The following KCTD7 variants were observed in gnomAD, a reference collection of about 807,000 sequenced individuals.
The protein encoded by KCTD7 is BTB/POZ domain-containing protein KCTD7.
Under a neutral mutation model 27.0 loss-of-function variants are expected in KCTD7, and 15 were observed. That is an observed-to-expected ratio of 0.56 (90% CI 0.37 to 0.86). The LOEUF is 0.86. KCTD7 is among the 40% of genes least tolerant of loss of function. The pLI, the probability that KCTD7 is intolerant of heterozygous loss-of-function variation, is 0.00. For synonymous variants in KCTD7, 159 were observed against 162.7 expected (o/e 0.98, Z 0.17); for missense variants, 299 against 398.9 (o/e 0.75, Z 2.13).
At position 66,639,035 on chromosome 7, in the gene KCTD7, C is replaced by T. The variant is rs1266616316; in HGVS notation, c.673C>T (p.His225Tyr). ...GAGTGACGGGCAGCTTTTTGAGCAC[C>T]ACTGTGAAGTGGATGTGTCTTTTGG... is the stretch of plus-strand genomic sequence containing the variant. ...SESDGQLFEHHCEVDVSFGPW... is the reference protein window; with the variant it reads ...SESDGQLFEHYCEVDVSFGPW... Residue 225 changes from histidine (H) to tyrosine (Y), a missense_variant, in exon 4 of 4, where the codon CAC becomes TAC. By Grantham distance (83) the His-to-Tyr change is moderately conservative. Coordinates refer to ENST00000639828, the MANE Select transcript of KCTD7 (RefSeq NM_153033.5). 1.2e-6 allele frequency: 2 copies of T among 1,614,044 alleles called. No homozygotes were observed. The highest frequency in any genetic ancestry group is 2.2e-5 in the East Asian group (1 of 44,884).
Position 66,640,555 on chromosome 7 carries a change from T to C in KCTD7, c.*1323T>C. The stretch of plus-strand genomic sequence containing the variant: ...ACATTTCCATGCTGCATTAAGGGTG[T>C]CTCTCTCTAATCATGATTGTACCTG... On this transcript the variant is annotated 3_prime_UTR_variant, in exon 4 of 4. Transcript: ENST00000639828. The C allele has an allele frequency of 1.4e-6, 2 of 1,457,144 alleles. No homozygotes were observed. Among genetic ancestry groups the C allele is most frequent in the East Asian group, 2.5e-5 (1 of 39,240 alleles). 90.3% of individuals were successfully genotyped at this position (1,457,144 alleles called of 1,614,324 possible). A position where few individuals can be genotyped will look rare whatever the true frequency, so the allele number is the denominator to read the frequency against.
chr7:66,631,464 G>T (rs940390590), intron 1 of KCTD7, among the ~76,000 whole-genome samples: 88 of 151,978 alleles, frequency 5.8e-4, no homozygotes, highest in African/African-American at 2.1e-3. Context: ...AGCTACTTTG[G>T]AGGCTGGGGC....
chr7:66,635,979 C>T (rs1416386134), intron 2 of KCTD7, among the ~76,000 whole-genome samples: 4 of 152,062 alleles, frequency 2.6e-5, no homozygotes, highest in African/African-American at 9.7e-5. Flanking sequence ...TGGATGTGCC[C>T]ATGCTCAGGT....
chr7:66,635,189 T>G (rs1248214428), intron 2 of KCTD7, among the ~76,000 whole-genome samples: 1 of 147,640 alleles, frequency 6.8e-6, no homozygotes, highest in Non-Finnish European at 1.5e-5. Flanking sequence ...ATTTTTGATG[T>G]TTTTTAGAGA....
Position 66,642,791 on chromosome 7 carries a change from T to C in KCTD7, c.*3559T>C. On this transcript the variant is annotated 3_prime_UTR_variant, in exon 4 of 4. Transcript: ENST00000639828. Reference sequence around the variant, plus strand: ...TTTTTGGAATTCTGAAAGAATCATATCTGTGTATATACATACTGAGTGGGG... The same window carrying C: ...TTTTTGGAATTCTGAAAGAATCATACCTGTGTATATACATACTGAGTGGGG... The C allele has an allele frequency of 2.7e-5, 27 of 985,298 alleles. No homozygotes were observed. The highest frequency in any genetic ancestry group is 3.1e-5 in the Non-Finnish European group (26 of 829,914). The allele number at this position is 985,298 out of a possible 1,614,324, so 61.0% of individuals were successfully genotyped here.
Position 66,640,962 on chromosome 7 carries a change from C to T in KCTD7, c.*1730C>T, listed in dbSNP as rs1786701093. The T allele has an allele frequency of 4.1e-6, 4 of 985,514 alleles. No homozygotes were observed. The highest frequency in any genetic ancestry group is 3.5e-5 in the African/African-American group (2 of 57,342). 61.0% of individuals were successfully genotyped at this position (985,514 alleles called of 1,614,324 possible). A position where few individuals can be genotyped will look rare whatever the true frequency, so the allele number is the denominator to read the frequency against. ...CATATGAGGAAGAGAAGACCAAGCCCTGGGACTTTGGCTGAATTCCTCCGT... is the reference window on the plus strand; with the variant it reads ...CATATGAGGAAGAGAAGACCAAGCCTTGGGACTTTGGCTGAATTCCTCCGT... On this transcript the variant is annotated 3_prime_UTR_variant, in exon 4 of 4. Coordinates refer to ENST00000639828, the MANE Select transcript of KCTD7 (RefSeq NM_153033.5).
In KCTD7 at chr7:66,632,036, G is replaced by A. The variant is rs181679205; in HGVS notation, c.145-1239G>A. On this transcript the variant is annotated intron_variant, in intron 1 of 3. Coordinates refer to ENST00000639828, the MANE Select transcript of KCTD7 (RefSeq NM_153033.5). ...ATTATAGAGGAGAATATGACACACG[G>A]TGAAGGCACAGTCGAAGAATGTGTC... 4.3e-4 allele frequency among the ~76,000 whole-genome samples: 66 copies of A among 152,294 alleles called. No homozygotes were observed. In the East Asian group the frequency reaches 9.5e-3, roughly 22 times the overall value.
At chr7:66,632,961 G>A (rs1786487777) in intron 1 of KCTD7, among the ~76,000 whole-genome samples, 1 of 151,960 alleles carries the variant, frequency 6.6e-6, no homozygotes, top group Non-Finnish European at 1.5e-5. Flanking sequence ...GGGAGGCTGA[G>A]GCAGGAGAAT....
chr7:66,630,751 A>G (rs1638735), intron 1 of KCTD7, among the ~76,000 whole-genome samples: 117,191 of 152,086 alleles, frequency 0.77, 45,339 homozygotes, highest in African/African-American at 0.83. Flanking sequence ...GGAAAATGAT[A>G]TGGTTTGAGG....
At chr7:66,629,570 C>CA (rs1302907120) in intron 1 of KCTD7, among the ~76,000 whole-genome samples, 1 of 152,020 alleles carries the variant, frequency 6.6e-6, no homozygotes, top group Non-Finnish European at 1.5e-5. Flanking sequence ...TCTGACCAGG[C>CA]ACCGTAGCTC....
chr7:66,629,601 T>C (rs905270310), intron 1 of KCTD7, among the ~76,000 whole-genome samples: 6 of 151,558 alleles, frequency 4.0e-5, no homozygotes, highest in South Asian at 2.1e-4. Context: ...TCCCAACACA[T>C]TGGGAGGGAG....
chr7:66,634,601 A>G (rs1786543055), intron 2 of KCTD7, among the ~76,000 whole-genome samples: 3 of 152,148 alleles, frequency 2.0e-5, no homozygotes, highest in Admixed American at 1.3e-4. Context: ...GTAATCCCAC[A>G]TAGGGGGATA....
intron 2 of KCTD7, among the ~76,000 whole-genome samples, chr7:66,634,124 A>G (rs1584396478): frequency 6.9e-6 from 1 of 145,856 alleles, no homozygotes; most frequent in East Asian, 2.0e-4. Flanking sequence ...ATATATATAT[A>G]TATATATATA....
chr7:66,640,895 C>G lies in KCTD7; in HGVS notation c.*1663C>G. On this transcript the variant is annotated 3_prime_UTR_variant, in exon 4 of 4. Transcript: ENST00000639828. The stretch of plus-strand genomic sequence containing the variant: ...CTCACTGGTATCAGACTTACAGGAC[C>G]AGATAGACAAGATGGGTATAAGGGG... 3 of 986,306 alleles carry G rather than the reference C, an allele frequency of 3.0e-6. No homozygotes were observed. Among genetic ancestry groups the G allele is most frequent in the Non-Finnish European group, 3.6e-6 (3 of 830,630 alleles). 61.1% of individuals were successfully genotyped at this position (986,306 alleles called of 1,614,324 possible). A position where few individuals can be genotyped will look rare whatever the true frequency, so the allele number is the denominator to read the frequency against.
At position 66,641,436 on chromosome 7, in the gene KCTD7, G is replaced by T; in HGVS notation, c.*2204G>T. 1 of 985,390 alleles carries T rather than the reference G, an allele frequency of 1.0e-6. No individual in the cohort carries two copies. Among genetic ancestry groups the T allele is most frequent in the African/African-American group, 1.7e-5 (1 of 57,332 alleles). The allele number at this position is 985,390 out of a possible 1,614,324, so 61.0% of individuals were successfully genotyped here. Reference sequence around the variant, plus strand: ...CTCCCATGGAGCATGGCAGGGCTTGGTTATTTAGAGTCCATACATGCAAGC... The same window carrying T: ...CTCCCATGGAGCATGGCAGGGCTTGTTTATTTAGAGTCCATACATGCAAGC... On this transcript the variant is annotated 3_prime_UTR_variant, in exon 4 of 4. Transcript: ENST00000639828.
chr7:66,640,547 T>G lies in KCTD7; in HGVS notation c.*1315T>G, dbSNP rs1191729681. On this transcript the variant is annotated 3_prime_UTR_variant, in exon 4 of 4. Transcript: ENST00000639828. ...ACAATGTAACATTTCCATGCTGCAT[T>G]AAGGGTGTCTCTCTCTAATCATGAT... The G allele has an allele frequency of 1.4e-5, 21 of 1,471,092 alleles. No individual in the cohort carries two copies. The highest frequency in any genetic ancestry group is 5.7e-5 in the African/African-American group (4 of 70,698). The allele number at this position is 1,471,092 out of a possible 1,614,324, so 91.1% of individuals were successfully genotyped here.
In KCTD7 at chr7:66,640,332, C is replaced by A; in HGVS notation, c.*1100C>A. ...TCCTCTATTTTTGTTTTACTCACTT[C>A]TTTATATTTTGTTTTACTCCTCACT... On this transcript the variant is annotated 3_prime_UTR_variant, in exon 4 of 4. Coordinates refer to ENST00000639828, the MANE Select transcript of KCTD7 (RefSeq NM_153033.5). The A allele has an allele frequency of 6.5e-7, 1 of 1,535,870 alleles. No individual in the cohort carries two copies. Among genetic ancestry groups the A allele is most frequent in the Non-Finnish European group, 8.7e-7 (1 of 1,146,424 alleles).
Position 66,640,974 on chromosome 7 carries a change from C to T in KCTD7, c.*1742C>T, listed in dbSNP as rs544088587. On this transcript the variant is annotated 3_prime_UTR_variant, in exon 4 of 4. Transcript: ENST00000639828. Reference sequence around the variant, plus strand: ...AGAAGACCAAGCCCTGGGACTTTGGCTGAATTCCTCCGTGGGGCTGGACGG... The same window carrying T: ...AGAAGACCAAGCCCTGGGACTTTGGTTGAATTCCTCCGTGGGGCTGGACGG... The T allele has an allele frequency of 1.0e-6, 1 of 985,522 alleles. No individual in the cohort carries two copies. The highest frequency in any genetic ancestry group is 1.2e-6 in the Non-Finnish European group (1 of 830,038). The allele number at this position is 985,522 out of a possible 1,614,324, so 61.0% of individuals were successfully genotyped here.
At position 66,641,532 on chromosome 7, in the gene KCTD7, A is replaced by G; in HGVS notation, c.*2300A>G. ...GTCCTGAAGGCTTGCTTAGGATTAC[A>G]GGGATGCTGGGTAAGAACACCGTTC... is the stretch of plus-strand genomic sequence containing the variant. On this transcript the variant is annotated 3_prime_UTR_variant, in exon 4 of 4. Coordinates refer to ENST00000639828, the MANE Select transcript of KCTD7 (RefSeq NM_153033.5). The G allele has an allele frequency of 1.0e-6, 1 of 985,418 alleles. No individual in the cohort carries two copies. Among genetic ancestry groups the G allele is most frequent in the Non-Finnish European group, 1.2e-6 (1 of 829,928 alleles). 61.0% of individuals were successfully genotyped at this position (985,418 alleles called of 1,614,324 possible). A position where few individuals can be genotyped will look rare whatever the true frequency, so the allele number is the denominator to read the frequency against.
Sources: gnomAD v4.1 joint callset for allele counts (sites outside exome capture counted in the v4.1 genomes callset) on GRCh38, gnomAD v4.1.1 for gene constraint, MANE v1.5 for transcripts, NCBI Gene and HGNC (gene_info 2026-07-23, HGNC 2026-07-21) for gene names.